The following ROBO2 variants were observed in gnomAD, a reference collection of about 807,000 sequenced individuals.
The protein encoded by ROBO2 is roundabout homolog 2.
In ROBO2, 53 loss-of-function variants were observed where a neutral mutation model predicts 160.8. That is an observed-to-expected ratio of 0.33 (90% CI 0.26 to 0.41). The LOEUF (loss-of-function observed/expected upper bound fraction) is 0.41. ROBO2 is among the 10% of genes least tolerant of loss of function. The pLI is 1.00. For missense variants in ROBO2, 1,577 were observed against 1,722.4 expected (o/e 0.92, Z 1.49); for synonymous variants, 664 against 611.7 (o/e 1.09, Z -1.26).
chr3:76,969,910 T>C (rs1032662670), intron 2 of ROBO2, among the ~76,000 whole-genome samples: 5 of 152,126 alleles, frequency 3.3e-5, no homozygotes, highest in Non-Finnish European at 1.5e-5. Context: ...AATCGTTATA[T>C]TATTAATTTT....
At chr3:76,692,776 T>G (rs1358892152) in intron 2 of ROBO2, among the ~76,000 whole-genome samples, 2 of 151,798 alleles carry the variant, frequency 1.3e-5, no homozygotes, top group Non-Finnish European at 2.9e-5. Context: ...CCAAGTCACT[T>G]TTGGGGGTAT....
chr3:77,536,323 C>T (rs568350529), intron 6 of ROBO2, among the ~76,000 whole-genome samples: 81 of 152,136 alleles, frequency 5.3e-4, no homozygotes, highest in African/African-American at 1.8e-3. Flanking sequence ...GGAGCACTCT[C>T]CCACCCTTCC....
chr3:76,437,361 A>G (rs569726906), intron 2 of ROBO2, among the ~76,000 whole-genome samples: 29 of 152,180 alleles, frequency 1.9e-4, no homozygotes, highest in Non-Finnish European at 3.1e-4. Flanking sequence ...ACTTGAAAAA[A>G]CCAATACTAC....
At chr3:77,177,985 A>G (rs1397504872) in intron 2 of ROBO2, among the ~76,000 whole-genome samples, 2 of 152,004 alleles carry the variant, frequency 1.3e-5, no homozygotes, top group Non-Finnish European at 2.9e-5. Context: ...TTATGTGTCT[A>G]GAAGTGTTTA....
intron 2 of ROBO2, among the ~76,000 whole-genome samples, chr3:76,819,445 G>T (rs2065937119): frequency 6.6e-6 from 1 of 152,028 alleles, no homozygotes; most frequent in Admixed American, 6.6e-5. Context: ...TGACTCTGAG[G>T]GGTAGCAGGA....
chr3:76,739,244 T>C (rs1350804990), intron 2 of ROBO2, among the ~76,000 whole-genome samples: 1 of 152,062 alleles, frequency 6.6e-6, no homozygotes, highest in Non-Finnish European at 1.5e-5. Flanking sequence ...TGTCCAACAA[T>C]GATAGACTGG....
intron 2 of ROBO2, among the ~76,000 whole-genome samples, chr3:76,073,490 A>C (rs1288991304): frequency 6.6e-6 from 1 of 150,868 alleles, no homozygotes; most frequent in East Asian, 2.0e-4. Flanking sequence ...ACGGGGTTTC[A>C]CCTTGTTAGC....
At chr3:77,548,417 T>TA (rs1303967872) in intron 7 of ROBO2, among the ~76,000 whole-genome samples, 1 of 152,088 alleles carries the variant, frequency 6.6e-6, no homozygotes, top group Non-Finnish European at 1.5e-5. Flanking sequence ...ACTCACACTT[T>TA]AAATCCATGT....
intron 2 of ROBO2, among the ~76,000 whole-genome samples, chr3:76,014,682 C>T (rs2066352616): frequency 6.6e-6 from 1 of 152,202 alleles, no homozygotes; most frequent in African/African-American, 2.4e-5. Flanking sequence ...AATCCCCGCA[C>T]TTTGGGAGGC....
chr3:76,665,910 TAC>T (rs59665120), intron 2 of ROBO2, among the ~76,000 whole-genome samples: 2 of 141,962 alleles, frequency 1.4e-5, no homozygotes, highest in South Asian at 2.1e-4. Context: ...ATATATAATA[TAC>T]ACATATTTTA....
intron 1 of ROBO2, among the ~76,000 whole-genome samples, chr3:77,045,709 A>G (rs549588336): frequency 6.6e-6 from 1 of 152,276 alleles, no homozygotes; most frequent in South Asian, 2.1e-4. Flanking sequence ...TGCAACCATC[A>G]CTACAATCTA....
intron 1 of ROBO2, among the ~76,000 whole-genome samples, chr3:77,058,342 C>A (rs2065962611): frequency 6.6e-6 from 1 of 151,938 alleles, no homozygotes; most frequent in Non-Finnish European, 1.5e-5. Context: ...TTCACAATAG[C>A]CTGCTATTGT....
intron 2 of ROBO2, among the ~76,000 whole-genome samples, chr3:76,999,507 A>G (rs2061224198): frequency 3.9e-5 from 6 of 151,948 alleles, no homozygotes; most frequent in Admixed American, 3.9e-4. Context: ...TTGGTGTAGG[A>G]CTCCTTGTTA....
At chr3:75,956,972 A>C (rs1425600626) in intron 2 of ROBO2, among the ~76,000 whole-genome samples, 1 of 151,624 alleles carries the variant, frequency 6.6e-6, no homozygotes, top group Non-Finnish European at 1.5e-5. Flanking sequence ...CCCTGATGTT[A>C]TTTTAGGGCA....
intron 2 of ROBO2, among the ~76,000 whole-genome samples, chr3:77,453,056 C>T (rs2081281261): frequency 6.6e-6 from 1 of 152,160 alleles, no homozygotes; most frequent in African/African-American, 2.4e-5. Context: ...AGGTATCACA[C>T]TTCCGTATAG....
intron 2 of ROBO2, among the ~76,000 whole-genome samples, chr3:76,351,675 G>C (rs937075738): frequency 2.0e-5 from 3 of 151,768 alleles, no homozygotes; most frequent in Admixed American, 6.6e-5. Flanking sequence ...TGTTTGCCTT[G>C]TTCTTATAAA....
At chr3:77,508,209 C>T (rs192175970) in intron 5 of ROBO2, among the ~76,000 whole-genome samples, 1 of 151,008 alleles carries the variant, frequency 6.6e-6, no homozygotes, top group African/African-American at 2.4e-5. Flanking sequence ...CCAGCCACCT[C>T]TATATGTCTT....
chr3:75,996,833 T>A (rs2065742575), intron 2 of ROBO2, among the ~76,000 whole-genome samples: 2 of 151,396 alleles, frequency 1.3e-5, no homozygotes, highest in Admixed American at 1.3e-4. Flanking sequence ...TTGTAAATCA[T>A]CTATTCTGAT....
chr3:76,486,730 A>G (rs1254729119), intron 2 of ROBO2, among the ~76,000 whole-genome samples: 3 of 152,166 alleles, frequency 2.0e-5, no homozygotes, highest in East Asian at 1.9e-4. Flanking sequence ...CTGAATCTCA[A>G]AATGATAGCT....
Sources: allele counts gnomAD v4.1 joint callset (sites outside exome capture counted in the v4.1 genomes callset), GRCh38; gene constraint gnomAD v4.1.1; transcripts MANE v1.5; gene names NCBI Gene and HGNC (gene_info 2026-07-23, HGNC 2026-07-21).